The following SERGEF variants were observed in gnomAD, a reference collection of about 807,000 sequenced individuals.
SERGEF encodes the protein secretion-regulating guanine nucleotide exchange factor.
In SERGEF, 51 loss-of-function variants were observed where a neutral mutation model predicts 50.0. The observed-to-expected ratio is 1.02, with a 90% CI of 0.81 to 1.29. The LOEUF is 1.29. Ranked by LOEUF, SERGEF falls within the 50% of genes most tolerant of loss-of-function variation. SERGEF has a pLI of 0.00. For synonymous variants in SERGEF, 205 were observed against 212.4 expected (o/e 0.97, Z 0.30); for missense variants, 521 against 557.0 (o/e 0.94, Z 0.65).
intron 10 of SERGEF, among the ~76,000 whole-genome samples, chr11:17,836,289 T>C (rs1325937666): frequency 6.6e-6 from 1 of 152,180 alleles, no homozygotes; most frequent in Non-Finnish European, 1.5e-5. Context: ...AAAGGACCAA[T>C]GTCCATTGGG....
rs945905991 is a variant in SERGEF, at chr11:17,984,839, T to C, written c.844+3758A>G. 4.6e-5 allele frequency among the ~76,000 whole-genome samples: 7 copies of C among 152,246 alleles called. No homozygotes were observed. The East Asian group carries it at 1.2e-3, about 25-fold the overall frequency. On this transcript the variant is annotated intron_variant, in intron 8 of 10. Coordinates refer to ENST00000265965, the MANE Select transcript of SERGEF (RefSeq NM_012139.4). ...GCACTTAGTTACTGATCATCTGTTA[T>C]GTATCAGGCCTGTGCCAGATGCTGG...
chr11:17,981,541 T>TC, intron 8 of SERGEF, among the ~76,000 whole-genome samples: 1 of 151,884 alleles, frequency 6.6e-6, no homozygotes, highest in South Asian at 2.1e-4. Context: ...GACTCTTGTG[T>TC]GAAGTAAGGA....
chr11:17,932,603 G>T (rs1304502454), intron 9 of SERGEF, among the ~76,000 whole-genome samples: 1 of 152,160 alleles, frequency 6.6e-6, no homozygotes, highest in Non-Finnish European at 1.5e-5. Context: ...GGAGAAAGGA[G>T]CCATAGAAGG....
chr11:18,006,152 C>T (rs931056738), intron 3 of SERGEF, among the ~76,000 whole-genome samples: 2 of 152,162 alleles, frequency 1.3e-5, no homozygotes, highest in Non-Finnish European at 2.9e-5. Flanking sequence ...TTTGTGTGTG[C>T]TTTTTATTTA....
chr11:17,952,519 T>C (rs1242275170), intron 9 of SERGEF, among the ~76,000 whole-genome samples: 2 of 152,192 alleles, frequency 1.3e-5, no homozygotes, highest in Admixed American at 1.3e-4. Context: ...ATTCTTCTCC[T>C]TTCCTCTTGC....
intron 10 of SERGEF, among the ~76,000 whole-genome samples, chr11:17,789,513 T>A (rs1849444084): frequency 6.6e-6 from 1 of 152,216 alleles, no homozygotes; most frequent in African/African-American, 2.4e-5. Flanking sequence ...TCATAACACG[T>A]CTTCCTAGGT....
At chr11:18,008,169 T>C in intron 1 of SERGEF, 93 bp from the exon 2 acceptor site, 1 of 1,293,178 alleles carries the variant, frequency 7.7e-7, no homozygotes, top group South Asian at 1.6e-5. Context: ...CTGACGTATC[T>C]CTCAGACCCT....
intron 10 of SERGEF, among the ~76,000 whole-genome samples, chr11:17,790,628 C>T (rs1812427476): frequency 6.6e-6 from 1 of 152,164 alleles, no homozygotes; most frequent in African/African-American, 2.4e-5. Flanking sequence ...TTGAACATAT[C>T]TCCTTGTACA....
At chr11:17,800,277 C>T (rs1849645384) in intron 10 of SERGEF, among the ~76,000 whole-genome samples, 1 of 152,182 alleles carries the variant, frequency 6.6e-6, no homozygotes. Flanking sequence ...TCCCCACCAA[C>T]ATCCCGCACC....
intron 10 of SERGEF, among the ~76,000 whole-genome samples, chr11:17,841,734 T>C (rs1186757404): frequency 6.6e-6 from 1 of 152,164 alleles, no homozygotes. Flanking sequence ...GAAAAGAAAC[T>C]CTTCACATGG....
intron 8 of SERGEF, among the ~76,000 whole-genome samples, chr11:17,980,974 G>A (rs1853485368): frequency 6.6e-6 from 1 of 152,194 alleles, no homozygotes; most frequent in Non-Finnish European, 1.5e-5. Context: ...TGTCTTGCCA[G>A]AGGACAAAGA....
intron 9 of SERGEF, among the ~76,000 whole-genome samples, chr11:17,894,963 G>C (rs898387759): frequency 6.6e-6 from 1 of 152,202 alleles, no homozygotes; most frequent in Non-Finnish European, 1.5e-5. Context: ...GTTAAAAAGT[G>C]GGCCTGTAGT....
intron 10 of SERGEF, among the ~76,000 whole-genome samples, chr11:17,810,198 G>C (rs1311621682): frequency 5.9e-5 from 9 of 152,126 alleles, no homozygotes; most frequent in Admixed American, 5.9e-4. Context: ...GAGGATTAGG[G>C]CCCTCAGATG....
chr11:17,869,614 A>G (rs969240094), intron 10 of SERGEF, among the ~76,000 whole-genome samples: 1 of 152,130 alleles, frequency 6.6e-6, no homozygotes, highest in Non-Finnish European at 1.5e-5. Flanking sequence ...CCTCTTTTAT[A>G]AGGGTACTAA....
At chr11:18,005,665 G>C (rs557283262) in intron 3 of SERGEF, among the ~76,000 whole-genome samples, 1 of 152,306 alleles carries the variant, frequency 6.6e-6, no homozygotes, top group East Asian at 1.9e-4. Flanking sequence ...AGAATGGCCA[G>C]CTAGACAGAG....
At chr11:17,818,284 C>G (rs755970003) in intron 10 of SERGEF, among the ~76,000 whole-genome samples, 2 of 152,104 alleles carry the variant, frequency 1.3e-5, no homozygotes, top group African/African-American at 2.4e-5. Flanking sequence ...GTTTCTTAAT[C>G]TCTAAGAGTT....
At chr11:17,930,452 C>A (rs1264401632) in intron 9 of SERGEF, among the ~76,000 whole-genome samples, 1 of 152,060 alleles carries the variant, frequency 6.6e-6, no homozygotes, top group East Asian at 1.9e-4. Context: ...TGTGTCTGAC[C>A]AAGGTACAAT....
intron 10 of SERGEF, among the ~76,000 whole-genome samples, chr11:17,876,970 A>G (rs1486497418): frequency 6.6e-6 from 1 of 151,654 alleles, no homozygotes; most frequent in Non-Finnish European, 1.5e-5. Context: ...GTTACTCCCC[A>G]CCTCCTCTGC....
At chr11:17,921,419 T>G (rs1852153789) in intron 9 of SERGEF, among the ~76,000 whole-genome samples, 1 of 152,204 alleles carries the variant, frequency 6.6e-6, no homozygotes, top group Non-Finnish European at 1.5e-5. Flanking sequence ...GTAAAATATC[T>G]AGTCCAGTGC....
Sources: allele counts gnomAD v4.1 joint callset (sites outside exome capture counted in the v4.1 genomes callset), GRCh38; gene constraint gnomAD v4.1.1; transcripts MANE v1.5; gene names NCBI Gene and HGNC (gene_info 2026-07-23, HGNC 2026-07-21).